Variants in AK7 observed in about 807,000 individuals in gnomAD.
AK7 encodes the protein adenylate kinase 7.
A neutral mutation model predicts 96.6 loss-of-function variants in AK7; 78 were observed. The observed-to-expected ratio is 0.81, with a 90% CI of 0.67 to 0.97. The LOEUF is 0.97. Ranked by LOEUF, AK7 falls within the 50% of genes least tolerant of loss-of-function variation. AK7 has a pLI of 0.00. For missense variants in AK7, 855 were observed against 887.9 expected (o/e 0.96, Z 0.47); for synonymous variants, 302 against 317.2 (o/e 0.95, Z 0.51).
Position 96,451,520 on chromosome 14 carries a change from G to A in AK7, c.1048G>A (p.Glu350Lys). ...IRWAAQTGFV[E>K]NINTILKEYK... ...ATGGGCTGCCCAAACAGGATTTGTG[G>A]AAAATATCAACACTATCCTCAAGGA... Residue 350 changes from glutamate (E) to lysine (K), a missense_variant, in exon 10 of 18, where the codon GAA becomes AAA. Coordinates refer to ENST00000267584, the MANE Select transcript of AK7 (RefSeq NM_152327.5). 1.3e-6 allele frequency: 2 copies of A among 1,599,068 alleles called. No individual in the cohort carries two copies. Among genetic ancestry groups the A allele is most frequent in the Non-Finnish European group, 1.7e-6 (2 of 1,171,720 alleles).
chr14:96,439,246 G>A (rs949367072), intron 6 of AK7, among the ~76,000 whole-genome samples: 1 of 152,128 alleles, frequency 6.6e-6, no homozygotes, highest in Non-Finnish European at 1.5e-5. Context: ...GAAGAGATAG[G>A]GGCCTGAGGA....
At chr14:96,474,618 C>T (rs144303922) in intron 14 of AK7, among the ~76,000 whole-genome samples, 8 of 151,792 alleles carry the variant, frequency 5.3e-5, no homozygotes, top group African/African-American at 1.4e-4. Flanking sequence ...GAGCAAGAAC[C>T]GGTCTCAAAA....
rs563332025 is a variant in AK7, at chr14:96,430,424, G to A, written c.610-7411G>A. Among the ~76,000 whole-genome samples the A allele has an allele frequency of 7.9e-5, 12 of 152,122 alleles. No homozygotes were observed. In the South Asian group the frequency reaches 1.9e-3, roughly 24 times the overall value. The stretch of plus-strand genomic sequence containing the variant: ...ATGGTCTCAATAATCTCCTGACCTC[G>A]TGATCCGCCCACCTCTGTCTCCCAA... On this transcript the variant is annotated intron_variant, in intron 5 of 17. Transcript: ENST00000267584.
At chr14:96,471,456 T>A in intron 12 of AK7, 22 bp from the exon 13 acceptor site, 3 of 1,289,000 alleles carry the variant, frequency 2.3e-6, no homozygotes, top group Non-Finnish European at 3.2e-6. Flanking sequence ...AAGTAATATA[T>A]ACATATATGT....
chr14:96,419,862 C>T (rs1352922061), intron 4 of AK7, among the ~76,000 whole-genome samples: 1 of 140,418 alleles, frequency 7.1e-6, no homozygotes. Context: ...GATTTCGGCT[C>T]ACTGCAACAT....
intron 12 of AK7, among the ~76,000 whole-genome samples, chr14:96,469,694 C>CT (rs967665820): frequency 6.6e-6 from 1 of 152,046 alleles, no homozygotes; most frequent in African/African-American, 2.4e-5. Context: ...TACTTAAGAT[C>CT]TTTTTTTGTC....
chr14:96,486,395 A>G (rs1020658008), intron 16 of AK7, among the ~76,000 whole-genome samples: 2 of 152,214 alleles, frequency 1.3e-5, no homozygotes, highest in Non-Finnish European at 2.9e-5. Context: ...ACTGTTTACA[A>G]TTTAGGTATT....
intron 1 of AK7, among the ~76,000 whole-genome samples, chr14:96,395,696 G>A (rs1209658631): frequency 4.1e-5 from 5 of 122,464 alleles, no homozygotes; most frequent in African/African-American, 1.3e-4. Context: ...TATACATAGG[G>A]CAGAGTAAAA....
At chr14:96,438,769 T>A (rs770739472) in intron 6 of AK7, among the ~76,000 whole-genome samples, 15 of 152,122 alleles carry the variant, frequency 9.9e-5, no homozygotes, top group Non-Finnish European at 2.2e-4. Flanking sequence ...GCTGAGGATG[T>A]ACTATTTGGG....
chr14:96,413,427 G>A (rs949087543), intron 4 of AK7, among the ~76,000 whole-genome samples: 5 of 152,176 alleles, frequency 3.3e-5, no homozygotes, highest in African/African-American at 9.7e-5. Context: ...AGAAGAATGA[G>A]GTCAGATCAC....
At position 96,469,899 on chromosome 14, in the gene AK7, C is replaced by A. The variant is rs915270359; in HGVS notation, c.1358-1579C>A. ...ATGGTGCGATCTTGGCTCACTGCAA[C>A]CTCCGCCTCCCGGGTTCAAGCGATT... On this transcript the variant is annotated intron_variant, in intron 12 of 17. Coordinates refer to ENST00000267584, the MANE Select transcript of AK7 (RefSeq NM_152327.5). Among the ~76,000 whole-genome samples, 6 of 152,168 alleles carry A rather than the reference C, an allele frequency of 3.9e-5. No individual in the cohort carries two copies. The East Asian group carries it at 1.2e-3, about 30-fold the overall frequency.
At chr14:96,457,682 C>T (rs1566797547) in intron 11 of AK7, among the ~76,000 whole-genome samples, 1 of 152,098 alleles carries the variant, frequency 6.6e-6, no homozygotes, top group East Asian at 1.9e-4. Flanking sequence ...TATTATCAAA[C>T]TTTATTTATA....
chr14:96,427,096 T>G (rs528901079), intron 5 of AK7, among the ~76,000 whole-genome samples: 1 of 152,162 alleles, frequency 6.6e-6, no homozygotes, highest in Admixed American at 6.6e-5. Context: ...AAATACAAAA[T>G]TAGCCAGGCG....
rs1895925947 is a variant in AK7 at position 96,488,970 on chromosome 14, A to G, written c.*627A>G. The G allele has an allele frequency of 6.6e-6, 1 of 152,094 alleles. No homozygotes were observed. The highest frequency in any genetic ancestry group is 1.5e-5 in the Non-Finnish European group (1 of 68,022). 9.4% of individuals were successfully genotyped at this position (152,094 alleles called of 1,614,324 possible). A position where few individuals can be genotyped will look rare whatever the true frequency, so the allele number is the denominator to read the frequency against. ...TAACAGGATAATTCCAATCTTTGTG[A>G]TAAGTGAGAAGTTGCTAAATATTTT... On this transcript the variant is annotated 3_prime_UTR_variant, in exon 18 of 18. Transcript: ENST00000267584.
rs113712090 is a variant in AK7 at position 96,456,535 on chromosome 14, A to G, written c.1227+60A>G. ...TTAATTACTGTATTGTTCTTAGGGT[A>G]TAAAGATGTATATGATTCGAATTAG... On this transcript the variant is annotated intron_variant, in intron 11 of 17. Coordinates refer to ENST00000267584, the MANE Select transcript of AK7 (RefSeq NM_152327.5). 1.1e-3 allele frequency: 1,726 copies of G among 1,564,154 alleles called. 31 individuals carry two copies. In the African/African-American group the frequency reaches 0.019, roughly 17 times the overall value.
At chr14:96,472,810 G>C in intron 14 of AK7, 55 bp downstream of exon 14, 4 of 1,476,786 alleles carry the variant, frequency 2.7e-6, no homozygotes, top group Non-Finnish European at 3.8e-6. Flanking sequence ...GGCTGGGCGT[G>C]GTGGCTCACG....
At chr14:96,455,828 C>T (rs904708506) in intron 10 of AK7, among the ~76,000 whole-genome samples, 3 of 152,108 alleles carry the variant, frequency 2.0e-5, no homozygotes, top group African/African-American at 4.8e-5. Flanking sequence ...AGGCGGCAGA[C>T]GCTTTCGGGA....
chr14:96,397,959 T>C, intron 1 of AK7, 116 bp from the exon 2 acceptor site: 1 of 1,014,162 alleles, frequency 9.9e-7, no homozygotes, highest in African/African-American at 1.6e-5. Context: ...AGCATTTGCT[T>C]TGCCTTGGTG....
intron 11 of AK7, 116 bp downstream of exon 11, chr14:96,456,591 T>C (rs1893925458): frequency 1.6e-6 from 2 of 1,263,564 alleles, no homozygotes; most frequent in African/African-American, 3.0e-5. Context: ...TGATCCCAAT[T>C]TTGTTGGCAA....
Sources: gnomAD v4.1 joint callset for allele counts (sites outside exome capture counted in the v4.1 genomes callset) on GRCh38, gnomAD v4.1.1 for gene constraint, MANE v1.5 for transcripts, NCBI Gene and HGNC (gene_info 2026-07-23, HGNC 2026-07-21) for gene names.